The following STXBP4 variants were observed in gnomAD, a reference collection of about 807,000 sequenced individuals.
The protein encoded by STXBP4 is syntaxin binding protein 4.
Under a neutral mutation model 76.1 loss-of-function variants are expected in STXBP4, and 55 were observed. That is an observed-to-expected ratio of 0.72 (90% confidence interval 0.58 to 0.91). The LOEUF is 0.91. Ranked by LOEUF, STXBP4 falls within the 40% of genes least tolerant of loss-of-function variation. The pLI is 0.00. For synonymous variants in STXBP4, 201 were observed against 220.2 expected, an observed-to-expected ratio of 0.91 and a Z score of 0.77; for missense variants, 618 against 636.9, an observed-to-expected ratio of 0.97 and a Z score of 0.32.
intron 17 of STXBP4, among the ~76,000 whole-genome samples, chr17:55,158,390 T>A (rs902211878): frequency 1.3e-5 from 2 of 152,186 alleles, no homozygotes; most frequent in African/African-American, 4.8e-5. Flanking sequence ...GCTTCTGAGG[T>A]TGAGTTTGGG....
intron 8 of STXBP4, among the ~76,000 whole-genome samples, chr17:55,023,916 C>CAAAAAAAAAAAAAA (rs61454264): frequency 9.6e-5 from 6 of 62,240 alleles, no homozygotes; most frequent in South Asian, 7.4e-4. Context: ...GGCCCTTTTC[C>CAAAAAAAAAAAAAA]AAAAAAAAAA....
chr17:55,113,917 A>G (rs2079751933), intron 16 of STXBP4, among the ~76,000 whole-genome samples: 1 of 151,958 alleles, frequency 6.6e-6, no homozygotes, highest in African/African-American at 2.4e-5. Context: ...TTCAAATCCT[A>G]CCTCTGCCTC....
At chr17:55,087,509 C>T (rs2079352280) in intron 16 of STXBP4, among the ~76,000 whole-genome samples, 1 of 152,146 alleles carries the variant, frequency 6.6e-6, no homozygotes, top group African/African-American at 2.4e-5. Flanking sequence ...AAGAGACTAT[C>T]CTTTCCCAAT....
chr17:55,040,520 T>G (rs1295142750), intron 10 of STXBP4, among the ~76,000 whole-genome samples: 1 of 152,164 alleles, frequency 6.6e-6, no homozygotes, highest in East Asian at 1.9e-4. Context: ...TGAATTGAGA[T>G]TAGGGAATAT....
At chr17:54,988,187 A>G (rs2077654590) in intron 3 of STXBP4, among the ~76,000 whole-genome samples, 1 of 152,192 alleles carries the variant, frequency 6.6e-6, no homozygotes, top group African/African-American at 2.4e-5. Flanking sequence ...CAATTCAGAA[A>G]ATATATGGAT....
intron 8 of STXBP4, among the ~76,000 whole-genome samples, chr17:55,014,533 A>T (rs1470569034): frequency 6.6e-6 from 1 of 152,144 alleles, no homozygotes; most frequent in African/African-American, 2.4e-5. Context: ...CAGGAGAGTA[A>T]GACTGAGAAG....
chr17:55,008,382 A>C (rs996529404), intron 8 of STXBP4, among the ~76,000 whole-genome samples: 1 of 152,166 alleles, frequency 6.6e-6, no homozygotes, highest in African/African-American at 2.4e-5. Flanking sequence ...GCTTGGTCCT[A>C]TGATAGTCCT....
chr17:55,077,540 C>T (rs892395981), intron 13 of STXBP4, among the ~76,000 whole-genome samples: 2 of 152,102 alleles, frequency 1.3e-5, no homozygotes, highest in Non-Finnish European at 2.9e-5. Flanking sequence ...ACTGTTGAAA[C>T]CCCAAACTGT....
intron 8 of STXBP4, among the ~76,000 whole-genome samples, chr17:55,015,241 A>G (rs2078184958): frequency 6.6e-6 from 1 of 152,170 alleles, no homozygotes; most frequent in South Asian, 2.1e-4. Flanking sequence ...AGTTTTCCTT[A>G]GTCCTTCTAG....
At chr17:55,181,901 T>A in the STXBP4 span, among the ~76,000 whole-genome samples, 1 of 152,140 alleles carries the variant, frequency 6.6e-6, no homozygotes, top group Non-Finnish European at 1.5e-5. Flanking sequence ...AAAGGGGTAC[T>A]GATAAATCTT....
chr17:55,014,420 T>G (rs1419751578), intron 8 of STXBP4, among the ~76,000 whole-genome samples: 1 of 151,710 alleles, frequency 6.6e-6, no homozygotes, highest in African/African-American at 2.4e-5. Flanking sequence ...GTGAAAAGAG[T>G]AAAATTCCCT....
chr17:55,083,330 T>C (rs558938624), intron 16 of STXBP4, among the ~76,000 whole-genome samples: 5 of 152,250 alleles, frequency 3.3e-5, no homozygotes, highest in South Asian at 2.1e-4. Context: ...AATGAAGATA[T>C]TACTCAAAAA....
intron 10 of STXBP4, among the ~76,000 whole-genome samples, chr17:55,042,055 A>G (rs1169099466): frequency 1.3e-5 from 2 of 152,184 alleles, no homozygotes; most frequent in Non-Finnish European, 2.9e-5. Flanking sequence ...TAGATACCCA[A>G]AAGCTAATGT....
intron 17 of STXBP4, among the ~76,000 whole-genome samples, chr17:55,143,077 G>A (rs138786852): frequency 8.7e-4 from 133 of 152,288 alleles, no homozygotes; most frequent in African/African-American, 3.1e-3. Flanking sequence ...AAAGATGAGG[G>A]CATGAGCATT....
intron 1 of STXBP4, among the ~76,000 whole-genome samples, chr17:54,975,089 C>G (rs1380411792): frequency 6.6e-6 from 1 of 152,152 alleles, no homozygotes; most frequent in Non-Finnish European, 1.5e-5. Context: ...GATTCCTACC[C>G]CACTTAGATA....
At chr17:54,989,248 T>C (rs11869372) in intron 3 of STXBP4, among the ~76,000 whole-genome samples, 90,947 of 152,010 alleles carry the variant, frequency 0.6, 28,116 homozygotes, top group African/African-American at 0.73. Flanking sequence ...GCTGGTACTA[T>C]AGGCGTCCAC....
At chr17:54,989,732 A>G (rs528102394) in intron 3 of STXBP4, among the ~76,000 whole-genome samples, 6 of 152,224 alleles carry the variant, frequency 3.9e-5, no homozygotes, top group Admixed American at 6.5e-5. Context: ...TTTGACCAGT[A>G]AAAGTCTCTG....
intron 17 of STXBP4, among the ~76,000 whole-genome samples, chr17:55,146,738 AG>A (rs748297083): frequency 1.4e-5 from 2 of 147,440 alleles, no homozygotes; most frequent in Non-Finnish European, 3.0e-5. Context: ...AAAAAAAAAA[AG>A]AGTGGCTTAG....
intron 8 of STXBP4, among the ~76,000 whole-genome samples, chr17:55,014,886 T>C (rs1385179724): frequency 6.6e-6 from 1 of 152,084 alleles, no homozygotes. Context: ...AAAGTCCGCT[T>C]GCCTGAGGGC....
Sources: gnomAD v4.1 joint callset for allele counts (sites outside exome capture counted in the v4.1 genomes callset) on GRCh38, gnomAD v4.1.1 for gene constraint, MANE v1.5 for transcripts, NCBI Gene and HGNC (gene_info 2026-07-23, HGNC 2026-07-21) for gene names.